Variants in GPM6A observed in about 807,000 individuals in gnomAD.
GPM6A encodes the protein neuronal membrane glycoprotein M6-a.
GPM6A carries 7 observed loss-of-function variants against 32.1 expected under a neutral mutation model. That is an observed-to-expected ratio of 0.22 (90% CI 0.12 to 0.41). The LOEUF (loss-of-function observed/expected upper bound fraction) is 0.41, where lower values mean the gene tolerates loss of function less well. GPM6A is among the 10% of genes least tolerant of loss of function. GPM6A has a pLI of 1.00. For missense variants in GPM6A, 235 were observed against 347.2 expected (o/e 0.68, Z 2.57); for synonymous variants, 130 against 123.4 (o/e 1.05, Z -0.35).
At chr4:175,878,745 C>T (rs1348517668) in intron 1 of GPM6A, among the ~76,000 whole-genome samples, 11 of 152,142 alleles carry the variant, frequency 7.2e-5, no homozygotes, top group Non-Finnish European at 1.0e-4. Context: ...TTTGTCTCCT[C>T]ATTACTTGTG....
At chr4:175,915,187 T>A (rs1738452034) in intron 1 of GPM6A, among the ~76,000 whole-genome samples, 1 of 152,166 alleles carries the variant, frequency 6.6e-6, no homozygotes, top group Admixed American at 6.6e-5. Context: ...ATATTACAAT[T>A]TAAAATATTT....
chr4:175,943,435 A>G (rs976412529), intron 1 of GPM6A, among the ~76,000 whole-genome samples: 1 of 152,146 alleles, frequency 6.6e-6, no homozygotes, highest in African/African-American at 2.4e-5. Flanking sequence ...GAGTGGTGTG[A>G]GAGGATATGC....
chr4:175,831,592 T>C (rs1560955742), intron 1 of GPM6A, among the ~76,000 whole-genome samples: 1 of 152,124 alleles, frequency 6.6e-6, no homozygotes, highest in African/African-American at 2.4e-5. Flanking sequence ...ATTGACAGGC[T>C]ACTCCCACCC....
At chr4:175,878,715 C>T (rs1178221330) in intron 1 of GPM6A, among the ~76,000 whole-genome samples, 1 of 152,100 alleles carries the variant, frequency 6.6e-6, no homozygotes, top group African/African-American at 2.4e-5. Context: ...GCATTTTCCC[C>T]ATGGTCTGGG....
intron 1 of GPM6A, among the ~76,000 whole-genome samples, chr4:175,734,771 G>A (rs940252786): frequency 6.6e-6 from 1 of 152,086 alleles, no homozygotes; most frequent in Non-Finnish European, 1.5e-5. Flanking sequence ...TACTCGGGAG[G>A]CTGAGGCAAG....
chr4:175,754,604 T>C (rs973804153), intron 1 of GPM6A, among the ~76,000 whole-genome samples: 5 of 152,144 alleles, frequency 3.3e-5, no homozygotes, highest in Middle Eastern at 3.2e-3. Context: ...TTGTAGGTAT[T>C]TTCTTTCAAA....
intron 1 of GPM6A, among the ~76,000 whole-genome samples, chr4:175,917,796 G>A (rs1409619584): frequency 6.6e-6 from 1 of 151,866 alleles, no homozygotes; most frequent in East Asian, 1.9e-4. Flanking sequence ...TCAACTTAAG[G>A]AGAAAAAAAG....
At chr4:175,940,902 C>A (rs769197177) in intron 1 of GPM6A, among the ~76,000 whole-genome samples, 14 of 152,196 alleles carry the variant, frequency 9.2e-5, no homozygotes, top group Non-Finnish European at 2.1e-4. Flanking sequence ...CCACTGTGCC[C>A]AGGTATATCT....
At chr4:175,813,332 C>T (rs1055301216), upstream of GPM6A, among the ~76,000 whole-genome samples, 7 of 152,122 alleles carry the variant, frequency 4.6e-5, no homozygotes, top group East Asian at 1.9e-4. Context: ...TGCAGTCTGG[C>T]GATAATTAGC....
chr4:175,806,829 T>G (rs1156818617), intron 1 of GPM6A: 1 of 152,240 alleles, frequency 6.6e-6, no homozygotes, highest in Non-Finnish European at 1.5e-5. Context: ...TTTTCCTATA[T>G]GCTTTATAAA....
At chr4:175,753,854 T>A (rs1263073958) in intron 1 of GPM6A, among the ~76,000 whole-genome samples, 2 of 152,272 alleles carry the variant, frequency 1.3e-5, no homozygotes, top group Admixed American at 1.3e-4. Flanking sequence ...GATCATGGTG[T>A]GCCTTCTCCA....
At chr4:175,753,502 A>C (rs1560914249) in intron 1 of GPM6A, among the ~76,000 whole-genome samples, 1 of 152,186 alleles carries the variant, frequency 6.6e-6, no homozygotes, top group Non-Finnish European at 1.5e-5. Context: ...ACAAGTAAAC[A>C]GTTGTAGCTG....
intron 2 of GPM6A, among the ~76,000 whole-genome samples, chr4:175,691,905 C>G (rs1358975664): frequency 1.3e-5 from 2 of 152,120 alleles, no homozygotes; most frequent in African/African-American, 4.8e-5. Flanking sequence ...TTGAAGATGC[C>G]ACACTGCTGG....
intron 1 of GPM6A, among the ~76,000 whole-genome samples, chr4:175,986,490 A>ACC (rs531972718): frequency 9.4e-4 from 143 of 152,270 alleles, no homozygotes; most frequent in Non-Finnish European, 1.5e-3. Context: ...CCACCAGGCT[A>ACC]CAGTGAGCTA....
intron 1 of GPM6A, among the ~76,000 whole-genome samples, chr4:175,930,382 T>A (rs1738988969): frequency 1.4e-5 from 2 of 142,952 alleles, no homozygotes. Flanking sequence ...AACATAAGCT[T>A]AAACTTAAAA....
intron 1 of GPM6A, chr4:175,781,248 A>G (rs1733603878): frequency 6.6e-6 from 1 of 152,180 alleles, no homozygotes. Flanking sequence ...AAATGCTTCT[A>G]TCAGAGGCCC....
chr4:175,693,540 C>A (rs1044973274), intron 2 of GPM6A, among the ~76,000 whole-genome samples: 7 of 151,866 alleles, frequency 4.6e-5, no homozygotes, highest in African/African-American at 1.7e-4. Flanking sequence ...AATTGATAAG[C>A]AAATCACCTC....
chr4:175,715,189 G>C (rs1005469420), intron 1 of GPM6A, among the ~76,000 whole-genome samples: 9 of 152,066 alleles, frequency 5.9e-5, no homozygotes, highest in Non-Finnish European at 5.9e-5. Flanking sequence ...TCAAAACTTT[G>C]CTCAAAATAC....
At chr4:175,825,521 A>G (rs1267826594) in intron 1 of GPM6A, among the ~76,000 whole-genome samples, 1 of 152,216 alleles carries the variant, frequency 6.6e-6, no homozygotes. Flanking sequence ...AAATACATTA[A>G]GGAGCTAATG....
Sources: allele counts gnomAD v4.1 joint callset (sites outside exome capture counted in the v4.1 genomes callset), GRCh38; gene constraint gnomAD v4.1.1; transcripts MANE v1.5; gene names NCBI Gene and HGNC (gene_info 2026-07-23, HGNC 2026-07-21).